The following THSD7B variants were observed in gnomAD, a reference collection of about 807,000 sequenced individuals.
The protein encoded by THSD7B is thrombospondin type 1 domain containing 7B.
Under a neutral mutation model 213.6 loss-of-function variants are expected in THSD7B, and 138 were observed. The ratio of observed to expected loss-of-function variants is 0.65; its 90% CI spans 0.56 to 0.74. The LOEUF (loss-of-function observed/expected upper bound fraction) is 0.74. Among genes scored for constraint, THSD7B ranks in the 30% least tolerant of loss-of-function variants. THSD7B has a pLI of 0.00. For missense variants in THSD7B, 1,931 were observed against 1,991.5 expected, an observed-to-expected ratio of 0.97 and a Z score of 0.58; for synonymous variants, 742 against 687.0, an observed-to-expected ratio of 1.08 and a Z score of -1.25.
intron 5 of THSD7B, among the ~76,000 whole-genome samples, chr2:137,146,186 G>A (rs748025656): frequency 1.3e-5 from 2 of 152,006 alleles, no homozygotes; most frequent in Non-Finnish European, 2.9e-5. Context: ...AGAAAATAGT[G>A]TATCTTATTG....
chr2:137,285,350 A>G (rs1683144340), intron 12 of THSD7B, among the ~76,000 whole-genome samples: 1 of 152,000 alleles, frequency 6.6e-6, no homozygotes, highest in Non-Finnish European at 1.5e-5. Flanking sequence ...TTGACTCTTT[A>G]TCCAATTTGC....
intron 15 of THSD7B, among the ~76,000 whole-genome samples, chr2:137,459,260 T>A (rs1205823655): frequency 6.6e-5 from 10 of 152,190 alleles, no homozygotes; most frequent in Non-Finnish European, 1.3e-4. Context: ...TAAAGCTTTA[T>A]TCCAATATTA....
rs1686655366 is a variant in THSD7B at position 137,411,636 on chromosome 2, A to G, written c.2723A>G (p.Gln908Arg). ...AAAAGCAGAAAGAAGGAGAAATGCC[A>G]GGATTCTGACCTTTACCCTCTAGTG... ...TGKSRKKEKC[Q>R]DSDLYPLVET... The change falls in exon 14 of 28, where the codon CAG becomes CGG. Residue 908 changes from glutamine to arginine, a missense_variant. Transcript: ENST00000409968. 6.2e-7 allele frequency: 1 copy of G among 1,612,420 alleles called. No homozygotes were observed. Among genetic ancestry groups the G allele is most frequent in the Non-Finnish European group, 8.5e-7 (1 of 1,178,736 alleles).
chr2:137,107,473 C>T (rs1401897174), intron 4 of THSD7B, among the ~76,000 whole-genome samples: 2 of 152,144 alleles, frequency 1.3e-5, no homozygotes, highest in South Asian at 2.1e-4. Context: ...CACCACGGCA[C>T]GTGTATCCCT....
intron 5 of THSD7B, among the ~76,000 whole-genome samples, chr2:137,157,047 A>G (rs1292946326): frequency 1.3e-5 from 2 of 152,212 alleles, no homozygotes; most frequent in Non-Finnish European, 2.9e-5. Flanking sequence ...GACTCTATGA[A>G]GACAGAAACC....
At chr2:136,834,410 G>A (rs1682812973) in intron 1 of THSD7B, among the ~76,000 whole-genome samples, 1 of 152,174 alleles carries the variant, frequency 6.6e-6, no homozygotes. Context: ...CTTCTCAGTT[G>A]TAGATACAAT....
intron 2 of THSD7B, among the ~76,000 whole-genome samples, chr2:136,960,878 A>T (rs755003014): frequency 3.3e-5 from 5 of 151,814 alleles, no homozygotes; most frequent in Non-Finnish European, 4.4e-5. Flanking sequence ...TCGCAAGGTC[A>T]GGAGATCAAG....
chr2:136,850,189 C>T (rs1430515683), intron 1 of THSD7B, among the ~76,000 whole-genome samples: 1 of 151,968 alleles, frequency 6.6e-6, no homozygotes, highest in Non-Finnish European at 1.5e-5. Context: ...TGAGATTTAT[C>T]TATGTCAATA....
At chr2:136,954,335 GT>G (rs1685087455) in intron 2 of THSD7B, among the ~76,000 whole-genome samples, 1 of 152,154 alleles carries the variant, frequency 6.6e-6, no homozygotes, top group African/African-American at 2.4e-5. Flanking sequence ...AAGGTAAAGT[GT>G]TTTGCAAATC....
At chr2:137,312,188 G>A (rs1350101078) in intron 12 of THSD7B, among the ~76,000 whole-genome samples, 1 of 152,176 alleles carries the variant, frequency 6.6e-6, no homozygotes, top group Non-Finnish European at 1.5e-5. Context: ...TTCAGCTCCT[G>A]TTATTGCCCT....
At chr2:137,166,097 G>A (rs913640746) in intron 6 of THSD7B, among the ~76,000 whole-genome samples, 2 of 152,122 alleles carry the variant, frequency 1.3e-5, no homozygotes, top group South Asian at 2.1e-4. Flanking sequence ...GCTTGTGGCT[G>A]TTGGTTATTC....
chr2:137,043,554 A>C (rs1686919341), intron 2 of THSD7B, among the ~76,000 whole-genome samples: 1 of 152,178 alleles, frequency 6.6e-6, no homozygotes, highest in Non-Finnish European at 1.5e-5. Flanking sequence ...GGAGAAGAGC[A>C]GAGAGGAAGC....
chr2:137,232,168 A>G (rs1681655935), intron 8 of THSD7B, among the ~76,000 whole-genome samples: 1 of 152,204 alleles, frequency 6.6e-6, no homozygotes, highest in Non-Finnish European at 1.5e-5. Context: ...GAGTAGGCAA[A>G]GATCGATGCT....
intron 6 of THSD7B, among the ~76,000 whole-genome samples, chr2:137,165,017 C>A (rs2104989019): frequency 6.6e-6 from 1 of 151,980 alleles, no homozygotes; most frequent in African/African-American, 2.4e-5. Context: ...ACCCTAGAAC[C>A]TAAAGTATAA....
intron 7 of THSD7B, among the ~76,000 whole-genome samples, chr2:137,213,506 A>G (rs1681168914): frequency 1.3e-5 from 2 of 148,816 alleles, no homozygotes. Context: ...ATAATATGCT[A>G]TATATATTCT....
At chr2:136,951,840 A>G (rs903088006) in intron 2 of THSD7B, among the ~76,000 whole-genome samples, 1 of 149,768 alleles carries the variant, frequency 6.7e-6, no homozygotes, top group African/African-American at 2.5e-5. Context: ...TAAGGCATCA[A>G]GTTTTTTTAA....
At chr2:137,601,798 G>T (rs1682080638) in intron 17 of THSD7B, among the ~76,000 whole-genome samples, 1 of 152,196 alleles carries the variant, frequency 6.6e-6, no homozygotes, top group African/African-American at 2.4e-5. Flanking sequence ...GAAAGATACA[G>T]CAATGAAATA....
intron 12 of THSD7B, among the ~76,000 whole-genome samples, chr2:137,361,190 A>T (rs891205901): frequency 6.9e-6 from 1 of 144,110 alleles, no homozygotes; most frequent in African/African-American, 3.0e-5. Context: ...ATCCACATCA[A>T]AAAAAAGGAC....
At position 137,160,302 on chromosome 2, in the gene THSD7B, G is replaced by A; in HGVS notation, c.1459G>A (p.Val487Ile). 1 of 1,613,686 alleles carries A rather than the reference G, an allele frequency of 6.2e-7. No homozygotes were observed. The highest frequency in any genetic ancestry group is 8.5e-7 in the Non-Finnish European group (1 of 1,179,734). ...TATCCCTTGCTCTACGGACTGCATA[G>A]TATCTTCCTGGTCAGCCTGGGGCCT... ...CNIPCSTDCI[V>I]SSWSAWGLCI... is the part of the protein sequence containing the mutation. Residue 487 changes from valine (V) to isoleucine (I), a missense_variant, in exon 6 of 28, where the codon GTA (valine) becomes ATA (isoleucine). Coordinates refer to ENST00000409968, the MANE Select transcript of THSD7B (RefSeq NM_001316349.2).
Sources: gnomAD v4.1 joint callset for allele counts (sites outside exome capture counted in the v4.1 genomes callset) on GRCh38, gnomAD v4.1.1 for gene constraint, MANE v1.5 for transcripts, NCBI Gene and HGNC (gene_info 2026-07-23, HGNC 2026-07-21) for gene names.